The following GEN1 variants were observed in gnomAD, a reference collection of about 807,000 sequenced individuals.
The protein encoded by GEN1 is flap endonuclease GEN homolog 1.
A neutral mutation model predicts 67.6 loss-of-function variants in GEN1; 64 were observed. The ratio of observed to expected loss-of-function variants is 0.95; its 90% CI spans 0.77 to 1.17. The LOEUF is 1.17. Ranked by LOEUF, GEN1 falls within the 50% of genes most tolerant of loss-of-function variation. The probability of loss-of-function intolerance (pLI) is 0.00; values close to 1 mark genes in which losing one functional copy is unlikely to be tolerated. For missense variants in GEN1, 1,058 were observed against 1,048.3 expected, an observed-to-expected ratio of 1.01 and a Z score of -0.13; for synonymous variants, 371 against 359.4, an observed-to-expected ratio of 1.03 and a Z score of -0.37.
chr2:17,761,250 T>G, intron 2 of GEN1, 146 bp from the exon 3 acceptor site: 1 of 569,818 alleles, frequency 1.8e-6, no homozygotes, highest in South Asian at 2.5e-5. Flanking sequence ...AATTCAGTGG[T>G]TTTCCACTCT....
intron 11 of GEN1, 60 bp from the exon 12 acceptor site, chr2:17,777,942 A>G: frequency 3.1e-6 from 3 of 961,768 alleles, no homozygotes; most frequent in Non-Finnish European, 5.0e-6. Flanking sequence ...TCAGGTTAGA[A>G]ATGGAAAATT....
chr2:17,755,944 T>A (rs1056717004), intron 1 of GEN1, among the ~76,000 whole-genome samples: 1 of 152,248 alleles, frequency 6.6e-6, no homozygotes, highest in Non-Finnish European at 1.5e-5. Flanking sequence ...GACTTGTTTT[T>A]GTTTTAACTG....
rs570403715 is a variant in GEN1 at position 17,786,035 on chromosome 2, A to G, written c.*4096A>G. On this transcript the variant is annotated 3_prime_UTR_variant, in exon 14 of 14. Transcript: ENST00000381254. ...TAGCTTCAGATTCTTTTCTGCTAAC[A>G]GATTTTCTCTGTGACCCTGGAGACA... The G allele has an allele frequency of 4.6e-5, 7 of 152,326 alleles. No homozygotes were observed. The highest frequency in any genetic ancestry group is 1.7e-4 in the African/African-American group (7 of 41,576). 9.4% of individuals were successfully genotyped at this position (152,326 alleles called of 1,614,324 possible).
chr2:17,771,231 G>A lies in GEN1; in HGVS notation c.746G>A (p.Ser249Asn). ...NRWNETSCNS[S>N]PQLLVTKKLA... ...TGGAATGAAACATCTTGTAACTCTA[G>A]TCCACAACTGCTAGTCACTAAAAAA... Residue 249 changes from serine to asparagine, a missense_variant, in exon 7 of 14, where the codon AGT becomes AAT. Physicochemically the swap from Ser to Asn is conservative, Grantham distance 46. Coordinates refer to ENST00000381254, the MANE Select transcript of GEN1 (RefSeq NM_001130009.3). The A allele has an allele frequency of 3.7e-6, 6 of 1,612,190 alleles. No individual in the cohort carries two copies. Among genetic ancestry groups the A allele is most frequent in the Non-Finnish European group, 5.1e-6 (6 of 1,178,656 alleles).
intron 11 of GEN1, 68 bp downstream of exon 11, chr2:17,774,469 A>C: frequency 1.5e-6 from 2 of 1,323,400 alleles, no homozygotes; most frequent in Non-Finnish European, 2.0e-6. Flanking sequence ...AAATATTCCT[A>C]ATATCTTTAA....
chr2:17,760,299 A>G (rs924746418), intron 2 of GEN1, among the ~76,000 whole-genome samples, 195 bp downstream of exon 2: 2 of 152,222 alleles, frequency 1.3e-5, no homozygotes, highest in African/African-American at 4.8e-5. Context: ...TTTGAGCTCC[A>G]GACTCACATA....
At chr2:17,774,427 G>A (rs73218899) in intron 11 of GEN1, 26 bp downstream of exon 11, 56,971 of 1,542,542 alleles carry the variant, frequency 0.037, 1,204 homozygotes, top group African/African-American at 0.042. Context: ...GTATGGTGAA[G>A]GTGGTGTTTT....
In GEN1 at chr2:17,784,761, G is replaced by A. The variant is rs1672998614; in HGVS notation, c.*2822G>A. ...TATTCTGATTTGTTCAGTCGTGGCT[G>A]TGATAGTTCAGGACCATCTAGACCA... On this transcript the variant is annotated 3_prime_UTR_variant, in exon 14 of 14. Coordinates refer to ENST00000381254, the MANE Select transcript of GEN1 (RefSeq NM_001130009.3). 1 of 152,222 alleles carries A rather than the reference G, an allele frequency of 6.6e-6. No homozygotes were observed. The highest frequency in any genetic ancestry group is 1.9e-4 in the East Asian group (1 of 5,200). The allele number at this position is 152,222 out of a possible 1,614,324, so 9.4% of individuals were successfully genotyped here.
In GEN1 at chr2:17,782,040, T is replaced by G; in HGVS notation, c.*101T>G. On this transcript the variant is annotated 3_prime_UTR_variant, in exon 14 of 14. Coordinates refer to ENST00000381254, the MANE Select transcript of GEN1 (RefSeq NM_001130009.3). ...TTCATGTGTGGTAAAAATTTTAATGTTCTCTGTGTCATGAAACACTTGCCA... is the reference window on the plus strand; with the variant it reads ...TTCATGTGTGGTAAAAATTTTAATGGTCTCTGTGTCATGAAACACTTGCCA... The G allele has an allele frequency of 1.5e-6, 1 of 647,434 alleles. No homozygotes were observed. The highest frequency in any genetic ancestry group is 2.6e-6 in the Non-Finnish European group (1 of 385,768). The allele number at this position is 647,434 out of a possible 1,614,324, so 40.1% of individuals were successfully genotyped here. A position where few individuals can be genotyped will look rare whatever the true frequency, so the allele number is the denominator to read the frequency against.
In GEN1 at chr2:17,759,891, C is replaced by T. The variant is rs1671593017; in HGVS notation, c.-15-38C>T. 2.6e-6 allele frequency: 4 copies of T among 1,563,890 alleles called. No homozygotes were observed. The African/African-American group carries it at 5.4e-5, about 21-fold the overall frequency. On this transcript the variant is annotated intron_variant, in intron 1 of 13. Transcript: ENST00000381254. ...GAATTCCTGTTATGAGCTTCTGTTT[C>T]TTTAACAATATTTTGTAAAGTGTGT...
rs1358189127 is a variant in GEN1 at position 17,788,389 on chromosome 2, TTTAG to T, written c.*6455_*6458del. ...TTTTTGATGATTTCAAAATGGATAG[TTTAG>T]TTAGCCCCAGGCCAGATAAATTCAC... is the stretch of plus-strand genomic sequence containing the variant. On this transcript the variant is annotated 3_prime_UTR_variant, in exon 14 of 14. Transcript: ENST00000381254. 6.6e-6 allele frequency: 1 copy of T among 152,312 alleles called. No homozygotes were observed. Among genetic ancestry groups the T allele is most frequent in the East Asian group, 1.9e-4 (1 of 5,178 alleles). 9.4% of individuals were successfully genotyped at this position (152,312 alleles called of 1,614,324 possible). A position where few individuals can be genotyped will look rare whatever the true frequency, so the allele number is the denominator to read the frequency against.
In GEN1 at chr2:17,768,833, T is replaced by C. The variant is rs184695798; in HGVS notation, c.710+22T>C. 3.9e-4 allele frequency: 539 copies of C among 1,389,074 alleles called. No individual in the cohort carries two copies. The African/African-American group carries it at 6.9e-3, about 18-fold the overall frequency. 86.0% of individuals were successfully genotyped at this position (1,389,074 alleles called of 1,614,324 possible). The stretch of plus-strand genomic sequence containing the variant: ...AGAGGTAACTAATAATTACTTTCTC[T>C]TGTGACATTGAACCTTTATTCTTGC... On this transcript the variant is annotated intron_variant, in intron 6 of 13. Coordinates refer to ENST00000381254, the MANE Select transcript of GEN1 (RefSeq NM_001130009.3).
chr2:17,760,665 TA>T (rs1671632584), intron 2 of GEN1, among the ~76,000 whole-genome samples: 1 of 152,204 alleles, frequency 6.6e-6, no homozygotes, highest in Non-Finnish European at 1.5e-5. Flanking sequence ...CTCACGCCTG[TA>T]ATCCCAGCAC....
chr2:17,773,357 C>A, intron 10 of GEN1, 58 bp downstream of exon 10: 1 of 1,016,044 alleles, frequency 9.8e-7, no homozygotes, highest in Non-Finnish European at 1.5e-6. Context: ...AAGATAGGAA[C>A]AGATATTCAC....
In GEN1 at chr2:17,781,160, G is replaced by T. The variant is rs776626918; in HGVS notation, c.1948G>T (p.Asp650Tyr). ...TANIKKVLDE[D>Y]SDGISPEEHL... ...AAACATAAAGAAAGTGTTGGATGAG[G>T]ATTCTGATGGGATTAGTCCTGAAGA... is the stretch of plus-strand genomic sequence containing the variant. Residue 650 changes from aspartate (D) to tyrosine (Y), a missense_variant, in exon 14 of 14, where the codon GAT becomes TAT. Physicochemically the swap from Asp to Tyr is radical, Grantham distance 160 (BLOSUM62 -3). Transcript: ENST00000381254. The T allele has an allele frequency of 1.2e-5, 19 of 1,613,940 alleles. No homozygotes were observed. The South Asian group carries it at 2.0e-4, about 17-fold the overall frequency.
chr2:17,774,791 A>T (rs2125152926), intron 11 of GEN1, among the ~76,000 whole-genome samples: 1 of 152,166 alleles, frequency 6.6e-6, no homozygotes, highest in East Asian at 1.9e-4. Context: ...AAAAAAAAAA[A>T]ATGGGGACCA....
chr2:17,786,866 A>C lies in GEN1; in HGVS notation c.*4927A>C, dbSNP rs187723645. 2.0e-5 allele frequency: 3 copies of C among 152,156 alleles called. No individual in the cohort carries two copies. Among genetic ancestry groups the C allele is most frequent in the Admixed American group, 1.3e-4 (2 of 15,278 alleles). The allele number at this position is 152,156 out of a possible 1,614,324, so 9.4% of individuals were successfully genotyped here. A position where few individuals can be genotyped will look rare whatever the true frequency, so the allele number is the denominator to read the frequency against. On this transcript the variant is annotated 3_prime_UTR_variant, in exon 14 of 14. Coordinates refer to ENST00000381254, the MANE Select transcript of GEN1 (RefSeq NM_001130009.3). ...ACAGTAACTACTAGATGCATGAATG[A>C]CAATTCTCCACAACGCCCCACCCAT... is the stretch of plus-strand genomic sequence containing the variant.
At chr2:17,764,791 C>T in intron 3 of GEN1, 106 bp from the exon 4 acceptor site, 1 of 1,039,872 alleles carries the variant, frequency 9.6e-7, no homozygotes, top group Non-Finnish European at 1.3e-6. Context: ...TTTTAAAACA[C>T]CAAAATAGCT....
Position 17,781,992 on chromosome 2 carries a change from A to G in GEN1, c.*53A>G. The G allele has an allele frequency of 1.0e-6, 1 of 975,022 alleles. No homozygotes were observed. The highest frequency in any genetic ancestry group is 1.8e-5 in the South Asian group (1 of 56,450). The allele number at this position is 975,022 out of a possible 1,614,324, so 60.4% of individuals were successfully genotyped here. A position where few individuals can be genotyped will look rare whatever the true frequency, so the allele number is the denominator to read the frequency against. On this transcript the variant is annotated 3_prime_UTR_variant, in exon 14 of 14. Transcript: ENST00000381254. ...CTATTTTAGTACTATCAGCAATAGC[A>G]GAGACAGAGGGAAGGTATCTAGTTC...
Sources: gnomAD v4.1 joint callset for allele counts (sites outside exome capture counted in the v4.1 genomes callset) on GRCh38, gnomAD v4.1.1 for gene constraint, MANE v1.5 for transcripts, NCBI Gene and HGNC (gene_info 2026-07-23, HGNC 2026-07-21) for gene names.